XIRP2: variants seen among roughly 807,000 people sequenced by gnomAD.
The protein encoded by XIRP2 is xin actin-binding repeat-containing protein 2.
A neutral mutation model predicts 277.0 loss-of-function variants in XIRP2; 236 were observed. The observed-to-expected ratio is 0.85, with a 90% CI of 0.77 to 0.95. XIRP2 has a LOEUF of 0.95. XIRP2 is among the 40% of genes least tolerant of loss of function. The probability of loss-of-function intolerance (pLI) is 0.00; values close to 1 mark genes in which losing one functional copy is unlikely to be tolerated. For synonymous variants in XIRP2, 1,490 were observed against 1,416.5 expected (o/e 1.05, Z -1.17); for missense variants, 4,640 against 4,157.5 (o/e 1.12, Z -3.19).
intron 3 of XIRP2, among the ~76,000 whole-genome samples, chr2:167,189,736 T>C (rs1693270969): frequency 6.6e-6 from 1 of 152,198 alleles, no homozygotes; most frequent in African/African-American, 2.4e-5. Context: ...ATATTAAGTG[T>C]TGTGTCTTTT....
intron 6 of XIRP2, 124 bp downstream of exon 6, chr2:167,240,089 C>G (rs1695011910): frequency 6.0e-6 from 5 of 833,804 alleles, no homozygotes; most frequent in Non-Finnish European, 8.6e-6. Flanking sequence ...ATCAGTGTTT[C>G]TTTCTCCACT....
chr2:167,099,406 C>A (rs143496414), intron 2 of XIRP2, among the ~76,000 whole-genome samples: 2 of 152,144 alleles, frequency 1.3e-5, no homozygotes, highest in Non-Finnish European at 2.9e-5. Flanking sequence ...TCTATGCTGG[C>A]GGCGAGAATT....
chr2:167,086,167 G>T (rs570544235), intron 2 of XIRP2, among the ~76,000 whole-genome samples: 2 of 152,010 alleles, frequency 1.3e-5, no homozygotes, highest in African/African-American at 4.8e-5. Context: ...GCATTTGCTT[G>T]TCTGTAAAGT....
At chr2:167,007,704 C>A (rs1023584398) in intron 2 of XIRP2, among the ~76,000 whole-genome samples, 2 of 57,128 alleles carry the variant, frequency 3.5e-5, no homozygotes, top group East Asian at 8.8e-4. Context: ...CTCTCTCTCT[C>A]ACACACACAC....
chr2:167,101,551 A>G (rs7588368), intron 2 of XIRP2, among the ~76,000 whole-genome samples: 39,850 of 152,104 alleles, frequency 0.26, 7,745 homozygotes, highest in African/African-American at 0.55. Context: ...GCTCCCAGTT[A>G]TGAGTGAGAA....
intron 3 of XIRP2, among the ~76,000 whole-genome samples, chr2:167,198,373 T>C (rs185531987): frequency 9.7e-4 from 148 of 152,318 alleles, no homozygotes; most frequent in African/African-American, 3.5e-3. Context: ...ATTCCTGTTC[T>C]AAATTTTTTA....
intron 2 of XIRP2, among the ~76,000 whole-genome samples, chr2:166,911,999 C>T (rs1167994047): frequency 6.6e-6 from 1 of 152,208 alleles, no homozygotes; most frequent in Admixed American, 6.5e-5. Context: ...ATGGGCTTCA[C>T]TTTGTGAGTA....
chr2:167,093,845 C>G (rs1033204618), intron 2 of XIRP2, among the ~76,000 whole-genome samples: 1 of 152,060 alleles, frequency 6.6e-6, no homozygotes, highest in Admixed American at 6.6e-5. Context: ...AATGGGATTG[C>G]TGGGCCAAAT....
intron 5 of XIRP2, among the ~76,000 whole-genome samples, chr2:167,224,766 T>C (rs924648804): frequency 8.5e-5 from 13 of 152,216 alleles, no homozygotes; most frequent in African/African-American, 3.1e-4. Context: ...AAGTGGCAAT[T>C]ATTCTCAAAA....
At chr2:167,035,983 G>A (rs574434260) in intron 2 of XIRP2, among the ~76,000 whole-genome samples, 9 of 152,334 alleles carry the variant, frequency 5.9e-5, no homozygotes, top group South Asian at 2.1e-4. Context: ...CAGCTTCTAC[G>A]TAGTGTTGAC....
rs750981904 is a variant in XIRP2 at position 167,248,299 on chromosome 2, T to C, written c.6907T>C (p.Ser2303Pro). 1.9e-6 allele frequency: 3 copies of C among 1,613,548 alleles called. No individual in the cohort carries two copies. The highest frequency in any genetic ancestry group is 2.2e-5 in the East Asian group (1 of 44,844). ...ACCTCCTCCACCACCTTCTAATGCA[T>C]CATCTGAAATTGAATTTCCTCTTCC... The part of the protein sequence containing the change: ...SPPPPPPSNA[S>P]SEIEFPLPPP... Residue 2303 changes from serine (S) to proline (P), a missense_variant, in exon 9 of 11, where the codon TCA (serine) becomes CCA (proline). Coordinates refer to ENST00000409195, the MANE Select transcript of XIRP2 (RefSeq NM_152381.6).
chr2:166,960,774 G>T (rs547667644), intron 2 of XIRP2, among the ~76,000 whole-genome samples: 1 of 151,794 alleles, frequency 6.6e-6, no homozygotes, highest in Admixed American at 6.6e-5. Context: ...ATGAAAGTCA[G>T]CTCAGGAACT....
At chr2:166,894,934 G>T (rs1684202053) in intron 1 of XIRP2, among the ~76,000 whole-genome samples, 1 of 152,174 alleles carries the variant, frequency 6.6e-6, no homozygotes, top group African/African-American at 2.4e-5. Context: ...AGGCAGTCAT[G>T]CCGTATGCTG....
At chr2:166,998,871 G>C (rs1230226248) in intron 2 of XIRP2, among the ~76,000 whole-genome samples, 2 of 152,250 alleles carry the variant, frequency 1.3e-5, no homozygotes, top group East Asian at 1.9e-4. Flanking sequence ...CATGCTGCCT[G>C]ATTGGTGAAT....
At chr2:166,977,438 A>G (rs181639818) in intron 2 of XIRP2, among the ~76,000 whole-genome samples, 6 of 152,300 alleles carry the variant, frequency 3.9e-5, no homozygotes. Context: ...TCATCAATAA[A>G]AAATTTGGAA....
intron 5 of XIRP2, among the ~76,000 whole-genome samples, chr2:167,235,754 T>TTA (rs1694884254): frequency 6.6e-6 from 1 of 151,908 alleles, no homozygotes; most frequent in Non-Finnish European, 1.5e-5. Context: ...GGAAAAGCCT[T>TTA]TACATAAAGC....
intron 2 of XIRP2, among the ~76,000 whole-genome samples, chr2:167,029,718 C>T (rs995930846): frequency 3.3e-5 from 5 of 152,120 alleles, no homozygotes; most frequent in Non-Finnish European, 7.4e-5. Flanking sequence ...ATGCTGGCCT[C>T]ATAAAATGAG....
At chr2:166,952,863 T>C (rs942057367) in intron 2 of XIRP2, among the ~76,000 whole-genome samples, 5 of 151,730 alleles carry the variant, frequency 3.3e-5, no homozygotes, top group South Asian at 2.1e-4. Context: ...CCAGTGTAGA[T>C]TGATGGAAAA....
intron 2 of XIRP2, among the ~76,000 whole-genome samples, chr2:166,978,635 AAG>A (rs1342315546): frequency 6.6e-6 from 1 of 152,190 alleles, no homozygotes; most frequent in East Asian, 1.9e-4. Flanking sequence ...ATTTTTGTGA[AAG>A]AAATTGCTTC....
Sources: gnomAD v4.1 joint callset for allele counts (sites outside exome capture counted in the v4.1 genomes callset) on GRCh38, gnomAD v4.1.1 for gene constraint, MANE v1.5 for transcripts, NCBI Gene and HGNC (gene_info 2026-07-23, HGNC 2026-07-21) for gene names.